The following GALNT13 variants were observed in gnomAD, a reference collection of about 807,000 sequenced individuals.
GALNT13 encodes the protein UDP-GalNAc:polypeptide N-acetylgalactosaminyltransferase 13.
In GALNT13, 28 loss-of-function variants were observed where a neutral mutation model predicts 64.2. The observed-to-expected ratio is 0.44, with a 90% confidence interval of 0.32 to 0.60. GALNT13 has a LOEUF of 0.60. GALNT13 is among the 20% of genes least tolerant of loss of function. GALNT13 has a pLI of 0.05. For synonymous variants in GALNT13, 214 were observed against 224.6 expected, an observed-to-expected ratio of 0.95 and a Z score of 0.42; for missense variants, 577 against 669.8, an observed-to-expected ratio of 0.86 and a Z score of 1.53.
At chr2:154,417,080 A>G (rs1334808201) in intron 11 of GALNT13, among the ~76,000 whole-genome samples, 2 of 151,928 alleles carry the variant, frequency 1.3e-5, no homozygotes, top group Non-Finnish European at 2.9e-5. Context: ...GTCTTTTTAA[A>G]ATCTATTTCT....
At chr2:153,447,257 G>A in the GALNT13 span, among the ~76,000 whole-genome samples, 1 of 152,130 alleles carries the variant, frequency 6.6e-6, no homozygotes, top group Non-Finnish European at 1.5e-5. Context: ...AGGTGAAGAG[G>A]CCAGGATAGC....
At chr2:154,196,183 G>C (rs553483957) in intron 4 of GALNT13, among the ~76,000 whole-genome samples, 1 of 148,242 alleles carries the variant, frequency 6.7e-6, no homozygotes, top group Non-Finnish European at 1.5e-5. Flanking sequence ...AGCTATTTCT[G>C]ATAAAAAGAG....
the GALNT13 span, among the ~76,000 whole-genome samples, chr2:153,112,949 A>G: frequency 2.0e-5 from 3 of 152,090 alleles, no homozygotes; most frequent in Non-Finnish European, 4.4e-5. Flanking sequence ...ATGATCTGCA[A>G]TTGAAAATTG....
chr2:154,402,068 A>T (rs2105375235), intron 10 of GALNT13, among the ~76,000 whole-genome samples: 1 of 152,348 alleles, frequency 6.6e-6, no homozygotes, highest in Middle Eastern at 3.4e-3. Flanking sequence ...CTTTACAAAG[A>T]AAAGAGAAAA....
chr2:153,285,142 G>A, the GALNT13 span, among the ~76,000 whole-genome samples: 1 of 152,014 alleles, frequency 6.6e-6, no homozygotes, highest in African/African-American at 2.4e-5. Context: ...GGCGGCAGGA[G>A]AGAATGAATG....
At chr2:153,827,181 A>C in the GALNT13 span, among the ~76,000 whole-genome samples, 1 of 151,942 alleles carries the variant, frequency 6.6e-6, no homozygotes, top group Non-Finnish European at 1.5e-5. Flanking sequence ...TGTGCAGGGA[A>C]ACTCCCGCTT....
At chr2:153,598,091 G>A in the GALNT13 span, among the ~76,000 whole-genome samples, 5 of 152,052 alleles carry the variant, frequency 3.3e-5, no homozygotes, top group African/African-American at 9.7e-5. Flanking sequence ...ACCAGTACCC[G>A]TGCATGTGTG....
the GALNT13 span, among the ~76,000 whole-genome samples, chr2:153,536,409 A>T: frequency 2.0e-5 from 3 of 151,908 alleles, no homozygotes; most frequent in Non-Finnish European, 4.4e-5. Flanking sequence ...GGAGGAGGGC[A>T]TTCATTTTCC....
chr2:153,288,510 A>G, the GALNT13 span, among the ~76,000 whole-genome samples: 1 of 152,230 alleles, frequency 6.6e-6, no homozygotes, highest in African/African-American at 2.4e-5. Context: ...TGTCTGGGAC[A>G]TGAATCAACC....
chr2:153,151,521 A>G, the GALNT13 span, among the ~76,000 whole-genome samples: 2 of 152,190 alleles, frequency 1.3e-5, no homozygotes, highest in Non-Finnish European at 2.9e-5. Context: ...CTATAAAGAC[A>G]CATGCACATG....
intron 9 of GALNT13, among the ~76,000 whole-genome samples, chr2:154,339,998 TA>T (rs1430363017): frequency 6.6e-6 from 1 of 152,156 alleles, no homozygotes; most frequent in Non-Finnish European, 1.5e-5. Context: ...TAGGTCATAT[TA>T]CACAAACTGA....
At chr2:154,304,939 C>T (rs1490559552) in intron 9 of GALNT13, among the ~76,000 whole-genome samples, 2 of 152,114 alleles carry the variant, frequency 1.3e-5, no homozygotes, top group Admixed American at 6.5e-5. Flanking sequence ...TAGAATCCAC[C>T]AGCAATAGTG....
the GALNT13 span, among the ~76,000 whole-genome samples, chr2:153,528,546 C>CT: frequency 2.6e-5 from 4 of 152,010 alleles, no homozygotes; most frequent in Admixed American, 1.3e-4. Flanking sequence ...ACATTGGACT[C>CT]TATCTGTACT....
chr2:154,172,874 T>C (rs1406120975), intron 4 of GALNT13, among the ~76,000 whole-genome samples: 2 of 152,048 alleles, frequency 1.3e-5, no homozygotes, highest in Non-Finnish European at 2.9e-5. Context: ...GAAGAATTAA[T>C]ATTGTTAAAA....
At chr2:154,253,863 A>AT (rs1386466904) in intron 7 of GALNT13, among the ~76,000 whole-genome samples, 2 of 152,238 alleles carry the variant, frequency 1.3e-5, no homozygotes, top group Non-Finnish European at 2.9e-5. Flanking sequence ...TTCAGTAAAT[A>AT]TCCATTAATA....
At chr2:154,187,369 AACACACACACACACACACACAC>A (rs10578569) in intron 4 of GALNT13, among the ~76,000 whole-genome samples, 10 of 140,258 alleles carry the variant, frequency 7.1e-5, no homozygotes, top group Non-Finnish European at 1.2e-4. Context: ...GATAGGAGAA[AACACACACACACACACACACAC>A]ACACACACAC....
chr2:154,328,222 T>C (rs947205685), intron 9 of GALNT13, among the ~76,000 whole-genome samples: 8 of 152,132 alleles, frequency 5.3e-5, no homozygotes, highest in Admixed American at 1.3e-4. Flanking sequence ...ATCTTGAAGA[T>C]TGTAATAAAC....
intron 3 of GALNT13, among the ~76,000 whole-genome samples, chr2:154,044,930 G>A (rs1055502191): frequency 1.3e-5 from 2 of 152,126 alleles, no homozygotes; most frequent in South Asian, 4.1e-4. Flanking sequence ...CCATTTGGAA[G>A]CCATAGCATC....
At chr2:154,165,392 A>G (rs924013946) in intron 4 of GALNT13, among the ~76,000 whole-genome samples, 18 of 152,074 alleles carry the variant, frequency 1.2e-4, no homozygotes, top group African/African-American at 4.3e-4. Flanking sequence ...CACATTAGGT[A>G]ATTATCACCA....
Sources: gnomAD v4.1 joint callset for allele counts (sites outside exome capture counted in the v4.1 genomes callset) on GRCh38, gnomAD v4.1.1 for gene constraint, MANE v1.5 for transcripts, NCBI Gene and HGNC (gene_info 2026-07-23, HGNC 2026-07-21) for gene names.